Variants in RNF141 observed in about 807,000 individuals in gnomAD.
RNF141 encodes the protein C3HC4-like zinc finger protein.
A neutral mutation model predicts 27.4 loss-of-function variants in RNF141; 18 were observed. The observed-to-expected ratio is 0.66, with a 90% CI of 0.45 to 0.97. The LOEUF is 0.97. Ranked by LOEUF, RNF141 falls within the 50% of genes least tolerant of loss-of-function variation. The pLI, the probability that RNF141 is intolerant of heterozygous loss-of-function variation, is 0.00. For synonymous variants in RNF141, 97 were observed against 96.6 expected (o/e 1.00, Z -0.02); for missense variants, 230 against 279.4 (o/e 0.82, Z 1.26).
chr11:10,522,377 C>G (rs7123581), intron 4 of RNF141, among the ~76,000 whole-genome samples: 1 of 152,052 alleles, frequency 6.6e-6, no homozygotes, highest in Non-Finnish European at 1.5e-5. Flanking sequence ...GGAACCAGTA[C>G]AAAGTTCTCT....
chr11:10,522,094 A>G (rs183313690), intron 4 of RNF141, among the ~76,000 whole-genome samples: 5 of 152,396 alleles, frequency 3.3e-5, no homozygotes, highest in African/African-American at 9.6e-5. Context: ...GCATTATAAA[A>G]GACAAATCTT....
intron 1 of RNF141, among the ~76,000 whole-genome samples, chr11:10,535,812 A>G (rs77642769): frequency 0.026 from 4,030 of 152,326 alleles, 75 homozygotes; most frequent in African/African-American, 0.057. Flanking sequence ...GGTATACCAC[A>G]TATTTACCAG....
At chr11:10,536,599 CAGA>C (rs1449900745) in intron 1 of RNF141, among the ~76,000 whole-genome samples, 9 of 152,130 alleles carry the variant, frequency 5.9e-5, no homozygotes, top group African/African-American at 1.7e-4. Flanking sequence ...AGTTAAAATA[CAGA>C]AGGTCTGGGT....
rs1360881644 is a variant in RNF141 at position 10,526,838 on chromosome 11, C to T, written c.253-1465G>A. Among the ~76,000 whole-genome samples the T allele has an allele frequency of 3.3e-5, 5 of 151,724 alleles. No individual in the cohort carries two copies. In the East Asian group the frequency reaches 9.6e-4, roughly 29 times the overall value. On this transcript the variant is annotated intron_variant, in intron 3 of 5. Coordinates refer to ENST00000265981, the MANE Select transcript of RNF141 (RefSeq NM_016422.4). ...ATACTAAGAAATTTTAGAACCATCT[C>T]TAATAATCAGAAAGTTGATTAAATT...
intron 4 of RNF141, among the ~76,000 whole-genome samples, chr11:10,519,975 G>A (rs1849874907): frequency 6.6e-6 from 1 of 152,076 alleles, no homozygotes; most frequent in African/African-American, 2.4e-5. Flanking sequence ...TATCTGATGA[G>A]CTAAAAAAAT....
intron 5 of RNF141, among the ~76,000 whole-genome samples, chr11:10,517,904 T>C (rs1849855387): frequency 6.6e-6 from 1 of 152,152 alleles, no homozygotes; most frequent in African/African-American, 2.4e-5. Context: ...CATATACTAG[T>C]ATCAATCATA....
chr11:10,539,072 C>T (rs78103080), intron 1 of RNF141, among the ~76,000 whole-genome samples: 2,857 of 152,252 alleles, frequency 0.019, 87 homozygotes, highest in African/African-American at 0.063. Context: ...AAATAAAGAA[C>T]TGTTATTTTG....
chr11:10,529,903 TAACC>T (rs1849970892), intron 3 of RNF141, among the ~76,000 whole-genome samples: 1 of 152,180 alleles, frequency 6.6e-6, no homozygotes, highest in Non-Finnish European at 1.5e-5. Context: ...ATTATTTGGG[TAACC>T]TCCAGGGTCC....
In RNF141 at chr11:10,519,048, C is replaced by A. The variant is rs1169244774; in HGVS notation, c.528G>T (p.Lys176Asn). 6.2e-7 allele frequency: 1 copy of A among 1,613,774 alleles called. No individual in the cohort carries two copies. The highest frequency in any genetic ancestry group is 1.7e-5 in the Admixed American group (1 of 60,002). Residue 176 changes from lysine (K) to asparagine (N), a missense_variant, in exon 5 of 6, where the codon AAG becomes AAT. Transcript: ENST00000265981. Reference protein sequence around the residue: ...ILPCAHSFCQKCIDKWSDRHR... With the variant: ...ILPCAHSFCQNCIDKWSDRHR... ...AGGTAACTTACCATTTATCAATACA[C>A]TTCTGACAAAAGCTGTGAGCACAAG...
chr11:10,531,033 A>G (rs570203533), intron 2 of RNF141, among the ~76,000 whole-genome samples: 3 of 152,148 alleles, frequency 2.0e-5, no homozygotes, highest in Admixed American at 6.5e-5. Flanking sequence ...ATGGTCTTTA[A>G]ATTTCTAACA....
chr11:10,522,074 G>A (rs1176718250), intron 4 of RNF141, among the ~76,000 whole-genome samples: 1 of 152,120 alleles, frequency 6.6e-6, no homozygotes, highest in Non-Finnish European at 1.5e-5. Flanking sequence ...GAGATAATTA[G>A]GTCTAAGAAG....
chr11:10,515,163 A>C, intron 5 of RNF141, 97 bp from the exon 6 acceptor site: 1 of 1,337,180 alleles, frequency 7.5e-7, no homozygotes, highest in Non-Finnish European at 1.0e-6. Context: ...TAAAAAGGAA[A>C]TAGCATAGAA....
At chr11:10,529,949 GA>G (rs1185198122) in intron 3 of RNF141, among the ~76,000 whole-genome samples, 1 of 152,130 alleles carries the variant, frequency 6.6e-6, no homozygotes, top group African/African-American at 2.4e-5. Flanking sequence ...CTAACCCAGG[GA>G]ATCTTTATGG....
Position 10,534,198 on chromosome 11 carries a change from C to A in RNF141, c.-40G>T. On this transcript the variant is annotated 5_prime_UTR_variant, in exon 2 of 6. The change abolishes an upstream ATG in the 5' untranslated region. Coordinates refer to ENST00000265981, the MANE Select transcript of RNF141 (RefSeq NM_016422.4). ...TTTCAAAATCCAGAGTGTTGCTTCACATAGTTTCTGTCAAATATACAGAAA... is the reference window on the plus strand; with the variant it reads ...TTTCAAAATCCAGAGTGTTGCTTCAAATAGTTTCTGTCAAATATACAGAAA... The A allele has an allele frequency of 6.3e-7, 1 of 1,598,896 alleles. No individual in the cohort carries two copies. Among genetic ancestry groups the A allele is most frequent in the Non-Finnish European group, 8.5e-7 (1 of 1,172,142 alleles).
Position 10,514,776 on chromosome 11 carries a change from A to G in RNF141, c.*140T>C. On this transcript the variant is annotated 3_prime_UTR_variant, in exon 6 of 6. Coordinates refer to ENST00000265981, the MANE Select transcript of RNF141 (RefSeq NM_016422.4). Reference sequence around the variant, plus strand: ...TGGGAAGTTTATTTTTAAAAGGGGGACAAATGATCAGAATAGCAAAAATAA... The same window carrying G: ...TGGGAAGTTTATTTTTAAAAGGGGGGCAAATGATCAGAATAGCAAAAATAA... 1.4e-6 allele frequency: 1 copy of G among 711,310 alleles called. No homozygotes were observed. The allele number at this position is 711,310 out of a possible 1,614,324, so 44.1% of individuals were successfully genotyped here.
At chr11:10,517,633 T>G (rs989994734) in intron 5 of RNF141, 6 of 151,982 alleles carry the variant, frequency 3.9e-5, no homozygotes, top group African/African-American at 1.5e-4. Flanking sequence ...AATGGCACAT[T>G]ACCTACAGAG....
At chr11:10,532,062 T>TCTGTC in intron 2 of RNF141, 1 of 437,800 alleles carries the variant, frequency 2.3e-6, no homozygotes. Flanking sequence ...TAAGCTTAGT[T>TCTGTC]TGTGGATGGT....
intron 1 of RNF141, among the ~76,000 whole-genome samples, chr11:10,535,357 T>TAA (rs60297712): frequency 2.3e-4 from 33 of 145,964 alleles, no homozygotes; most frequent in South Asian, 8.5e-4. Context: ...AATTGTAATT[T>TAA]AAAAAAAAAA....
chr11:10,517,516 C>G (rs1426077631), intron 5 of RNF141: 2 of 151,160 alleles, frequency 1.3e-5, no homozygotes, highest in Non-Finnish European at 2.9e-5. Context: ...CCAAGAAGCT[C>G]AATAAACCCC....
Sources: gnomAD v4.1 joint callset for allele counts (sites outside exome capture counted in the v4.1 genomes callset) on GRCh38, gnomAD v4.1.1 for gene constraint, MANE v1.5 for transcripts, NCBI Gene and HGNC (gene_info 2026-07-23, HGNC 2026-07-21) for gene names.